SPEG: variants seen among roughly 807,000 people sequenced by gnomAD.
The protein encoded by SPEG is striated muscle preferentially expressed protein kinase.
Under a neutral mutation model 300.4 loss-of-function variants are expected in SPEG, and 114 were observed. The observed-to-expected ratio is 0.38, with a 90% CI of 0.33 to 0.44. SPEG has a LOEUF of 0.44. SPEG is among the 20% of genes least tolerant of loss of function. The pLI, the probability that SPEG is intolerant of heterozygous loss-of-function variation, is 1.00. For synonymous variants in SPEG, 1,964 were observed against 2,018.9 expected (o/e 0.97, Z 0.73); for missense variants, 4,201 against 4,586.2 (o/e 0.92, Z 2.43).
intron 18 of SPEG, among the ~76,000 whole-genome samples, chr2:219,475,582 C>T (rs1192807984): frequency 6.6e-6 from 1 of 152,174 alleles, no homozygotes; most frequent in African/African-American, 2.4e-5. Flanking sequence ...TCCTTGCCTG[C>T]CCTGTCCCTA....
rs1691047872 is a variant in SPEG at position 219,464,343 on chromosome 2, G to A, written c.2706-90G>A. 1.5e-6 allele frequency: 2 copies of A among 1,345,836 alleles called. No homozygotes were observed. The highest frequency in any genetic ancestry group is 2.9e-5 in the African/African-American group (2 of 69,208). The allele number at this position is 1,345,836 out of a possible 1,614,324, so 83.4% of individuals were successfully genotyped here. A position where few individuals can be genotyped will look rare whatever the true frequency, so the allele number is the denominator to read the frequency against. ...GGGACTGGGCAAACTGCACAGGGAAGGAGAGGCCTGCACAGTGCTGCAGCC... is the reference window on the plus strand; with the variant it reads ...GGGACTGGGCAAACTGCACAGGGAAAGAGAGGCCTGCACAGTGCTGCAGCC... On this transcript the variant is annotated intron_variant, in intron 8 of 40. Transcript: ENST00000312358. This position sits in a 1 kb window ranked among gnomAD's most constrained non-coding sequence, Gnocchi z 4.5.
chr2:219,444,196 G>C lies in SPEG; in HGVS notation c.389-457G>C, dbSNP rs1689116996. The C allele has an allele frequency of 5.4e-6, 3 of 557,678 alleles. No homozygotes were observed. The highest frequency in any genetic ancestry group is 9.6e-6 in the Non-Finnish European group (3 of 312,864). The allele number at this position is 557,678 out of a possible 1,614,324, so 34.5% of individuals were successfully genotyped here. On this transcript the variant is annotated intron_variant, in intron 1 of 40. Coordinates refer to ENST00000312358, the MANE Select transcript of SPEG (RefSeq NM_005876.5). This position sits in a 1 kb window ranked among gnomAD's most constrained non-coding sequence, Gnocchi z 7.8. ...TAGAGGACAGGCTGGCCCCGCGGTT[G>C]GTCGAGTGCCCTGGCAGTACGACTC...
chr2:219,453,665 G>A (rs914377382), intron 6 of SPEG, among the ~76,000 whole-genome samples: 1 of 152,238 alleles, frequency 6.6e-6, no homozygotes, highest in South Asian at 2.1e-4. Context: ...GCATTAGTCT[G>A]TTGCATCAGG....
At chr2:219,463,650 C>T (rs1690964117) in intron 8 of SPEG, among the ~76,000 whole-genome samples, 1 of 151,146 alleles carries the variant, frequency 6.6e-6, no homozygotes, top group South Asian at 2.1e-4. Context: ...AGGTGATCCA[C>T]CCACCTCGGC....
chr2:219,484,156 C>G lies in SPEG; in HGVS notation c.6693C>G (p.Pro2231=). 1 of 1,613,646 alleles carries G rather than the reference C, an allele frequency of 6.2e-7. No homozygotes were observed. The highest frequency in any genetic ancestry group is 8.5e-7 in the Non-Finnish European group (1 of 1,179,960). The part of the protein sequence containing the change: ...EPVRASKPAP[P]PQALQTLALP... ...TCCGAGCCTCCAAGCCTGCACCACCCCCCCAGGCCCTGCAAACCCTAGCGC... is the reference window on the plus strand; with the variant it reads ...TCCGAGCCTCCAAGCCTGCACCACCGCCCCAGGCCCTGCAAACCCTAGCGC... Residue 2231 remains proline (P), a synonymous_variant, in exon 30 of 41, where the codon CCC becomes CCG. Transcript: ENST00000312358.
chr2:219,484,552 C>T lies in SPEG; in HGVS notation c.7089C>T (p.Phe2363=), dbSNP rs1023377090. ...SRSRSEERGP[F]RGAEEEDGIY... ...CGCGCTCGGAGGAGCGCGGCCCCTT[C>T]CGTGGGGCCGAGGAGGAGGATGGCA... The change falls in exon 30 of 41, where the codon TTC becomes TTT. Residue 2363 remains phenylalanine, a synonymous_variant. Transcript: ENST00000312358. 1.9e-6 allele frequency: 3 copies of T among 1,590,246 alleles called. No homozygotes were observed. Among genetic ancestry groups the T allele is most frequent in the Admixed American group, 1.8e-5 (1 of 56,906 alleles).
chr2:219,438,977 T>C (rs1355604641), intron 1 of SPEG, among the ~76,000 whole-genome samples: 1 of 152,146 alleles, frequency 6.6e-6, no homozygotes, highest in Non-Finnish European at 1.5e-5. Context: ...AGGTGGAAAG[T>C]AGTATGGAGC....
At position 219,451,951 on chromosome 2, in the gene SPEG, G is replaced by A; in HGVS notation, c.2440+144G>A. The A allele has an allele frequency of 1.2e-6, 1 of 864,528 alleles. No homozygotes were observed. 53.6% of individuals were successfully genotyped at this position (864,528 alleles called of 1,614,324 possible). A position where few individuals can be genotyped will look rare whatever the true frequency, so the allele number is the denominator to read the frequency against. ...ACTTAGTCCATGCAGTCCCTTCTGG[G>A]TGTCGGCAGCTTTGGTGAAAGCGTT... On this transcript the variant is annotated intron_variant, in intron 6 of 40. Transcript: ENST00000312358. The surrounding 1 kb of genome is among the most constrained non-coding windows in gnomAD (Gnocchi z 6.4).
Position 219,480,269 on chromosome 2 carries a change from G to A in SPEG, c.5342+129G>A. 2 of 1,007,664 alleles carry A rather than the reference G, an allele frequency of 2.0e-6. No homozygotes were observed. Among genetic ancestry groups the A allele is most frequent in the South Asian group, 3.1e-5 (2 of 64,610 alleles). 62.4% of individuals were successfully genotyped at this position (1,007,664 alleles called of 1,614,324 possible). ...TGAAGGTGGGCTGGAGGCATTGTTT[G>A]CAGGGTCTCCTGCCCATGTTACTCC... is the stretch of plus-strand genomic sequence containing the variant. On this transcript the variant is annotated intron_variant, in intron 25 of 40. Coordinates refer to ENST00000312358, the MANE Select transcript of SPEG (RefSeq NM_005876.5). The surrounding 1 kb of genome is among the most constrained non-coding windows in gnomAD (Gnocchi z 5.3).
At chr2:219,485,591 G>C (rs2125567675) in intron 31 of SPEG, 114 bp downstream of exon 31, 1 of 1,111,780 alleles carries the variant, frequency 9.0e-7, no homozygotes, top group African/African-American at 1.6e-5. Context: ...CCTAGTGGAA[G>C]GGGTCTGCTC....
rs747757383 is a variant in SPEG at position 219,493,585 on chromosome 2, GCTGT to G, written c.*811_*814del. On this transcript the variant is annotated 3_prime_UTR_variant, in exon 41 of 41. Transcript: ENST00000312358. ...CCTGACCATCCCTCCCAGCCATCCA[GCTGT>G]CTGTCTGTCTGCCACAAGGAAATAA... 7.9e-5 allele frequency: 37 copies of G among 467,166 alleles called. 1 individual carries two copies. The highest frequency in any genetic ancestry group is 3.4e-4 in the South Asian group (22 of 65,382). The allele number at this position is 467,166 out of a possible 1,614,324, so 28.9% of individuals were successfully genotyped here. A position where few individuals can be genotyped will look rare whatever the true frequency, so the allele number is the denominator to read the frequency against.
At chr2:219,487,273 C>A (rs1179104151) in intron 31 of SPEG, among the ~76,000 whole-genome samples, 1 of 152,204 alleles carries the variant, frequency 6.6e-6, no homozygotes, top group African/African-American at 2.4e-5. Context: ...GCACAGCCAC[C>A]AGCTAGCTGT....
intron 14 of SPEG, 22 bp from the exon 15 acceptor site, chr2:219,472,205 A>G (rs1691940554): frequency 1.2e-6 from 2 of 1,610,178 alleles, no homozygotes; most frequent in Non-Finnish European, 1.7e-6. Flanking sequence ...GACCCAGCAG[A>G]CATTCGAACT....
chr2:219,474,057 T>TTTGTA, intron 18 of SPEG, 154 bp downstream of exon 18: 1 of 707,294 alleles, frequency 1.4e-6, no homozygotes, highest in Non-Finnish European at 2.3e-6. Context: ...AAATACCATA[T>TTTGTA]TAGTAATAAT....
chr2:219,466,001 G>T, intron 9 of SPEG: 1 of 1,489,616 alleles, frequency 6.7e-7, no homozygotes, highest in Non-Finnish European at 9.3e-7. Flanking sequence ...GCGCGTGCGT[G>T]CGCGTATGCT....
Position 219,451,638 on chromosome 2 carries a change from G to A in SPEG, c.2271G>A (p.Lys757=). 6.4e-7 allele frequency: 1 copy of A among 1,569,060 alleles called. No homozygotes were observed. Among genetic ancestry groups the A allele is most frequent in the Non-Finnish European group, 8.6e-7 (1 of 1,158,360 alleles). ...GCCTCCCCACAGTGTCCTGGCACAA[G>A]GATGGGTCAGCGCTGCGCAGCGAGG... ...ANPPPQVSWH[K]DGSALRSEGR... The change falls in exon 6 of 41, where the codon AAG becomes AAA. Residue 757 remains lysine, a synonymous_variant. Coordinates refer to ENST00000312358, the MANE Select transcript of SPEG (RefSeq NM_005876.5). This position sits in a 1 kb window ranked among gnomAD's most constrained non-coding sequence, Gnocchi z 6.4.
chr2:219,481,472 T>A lies in SPEG; in HGVS notation c.5522+16T>A. 2 of 1,613,308 alleles carry A rather than the reference T, an allele frequency of 1.2e-6. No individual in the cohort carries two copies. The highest frequency in any genetic ancestry group is 3.3e-5 in the Admixed American group (2 of 59,990). On this transcript the variant is annotated intron_variant, in intron 27 of 40. Transcript: ENST00000312358. The surrounding 1 kb of genome is among the most constrained non-coding windows in gnomAD (Gnocchi z 5.4). Reference sequence around the variant, plus strand: ...AGGACCGGCTGTGAGTACAAGGCCCTGGGAGCCCCCACCTGCAGGGTCACC... The same window carrying A: ...AGGACCGGCTGTGAGTACAAGGCCCAGGGAGCCCCCACCTGCAGGGTCACC...
intron 9 of SPEG, chr2:219,466,368 G>C: frequency 7.2e-7 from 1 of 1,386,100 alleles, no homozygotes; most frequent in Non-Finnish European, 9.3e-7. Context: ...TCCCTGAAGG[G>C]GAGCACCGGG....
rs1190003922 is a variant in SPEG at position 219,451,588 on chromosome 2, G to A, written c.2258-37G>A. ...GTAGAGATTCTCAGTGGGCGCCTGT[G>A]GGCCGTGGCGAGCCGGGTCCCTGTG... On this transcript the variant is annotated intron_variant, in intron 5 of 40. Transcript: ENST00000312358. This position sits in a 1 kb window ranked among gnomAD's most constrained non-coding sequence, Gnocchi z 6.4. 1 of 1,477,278 alleles carries A rather than the reference G, an allele frequency of 6.8e-7. No homozygotes were observed. The highest frequency in any genetic ancestry group is 2.5e-5 in the East Asian group (1 of 40,682). 91.5% of individuals were successfully genotyped at this position (1,477,278 alleles called of 1,614,324 possible).
Sources: gnomAD v4.1 joint callset for allele counts (sites outside exome capture counted in the v4.1 genomes callset) on GRCh38, gnomAD v4.1.1 for gene constraint, Gnocchi (gnomAD v3.1) non-coding constraint, MANE v1.5 for transcripts, NCBI Gene and HGNC (gene_info 2026-07-23, HGNC 2026-07-21) for gene names.